Variants in DLGAP2 observed in about 807,000 individuals in gnomAD.
The protein encoded by DLGAP2 is disks large-associated protein 2.
A neutral mutation model predicts 100.3 loss-of-function variants in DLGAP2; 26 were observed. The observed-to-expected ratio is 0.26, with a 90% CI of 0.19 to 0.36. DLGAP2 has a LOEUF of 0.36. DLGAP2 is among the 10% of genes least tolerant of loss of function. The probability of loss-of-function intolerance (pLI) is 1.00; values close to 1 mark genes in which losing one functional copy is unlikely to be tolerated. For missense variants in DLGAP2, 1,858 were observed against 1,453.2 expected, an observed-to-expected ratio of 1.28 and a Z score of -4.53; for synonymous variants, 886 against 630.1, an observed-to-expected ratio of 1.41 and a Z score of -6.08.
At chr8:1,576,842 G>A (rs1236858773) in intron 6 of DLGAP2, among the ~76,000 whole-genome samples, 1 of 152,124 alleles carries the variant, frequency 6.6e-6, no homozygotes, top group Non-Finnish European at 1.5e-5. Flanking sequence ...TTTGGTACCA[G>A]TACAAGGTAA....
At chr8:1,416,176 T>C (rs762070065) in intron 3 of DLGAP2, among the ~76,000 whole-genome samples, 12 of 152,226 alleles carry the variant, frequency 7.9e-5, no homozygotes, top group Non-Finnish European at 1.6e-4. Context: ...AAACCCATCC[T>C]GTCCCCAGAC....
chr8:870,378 T>C (rs1797575021), intron 1 of DLGAP2, among the ~76,000 whole-genome samples: 1 of 152,176 alleles, frequency 6.6e-6, no homozygotes, highest in Non-Finnish European at 1.5e-5. Flanking sequence ...CCGGCATTCC[T>C]GTTCCCTCCC....
intron 3 of DLGAP2, among the ~76,000 whole-genome samples, chr8:1,377,417 G>T (rs540164870): frequency 2.0e-5 from 3 of 152,222 alleles, no homozygotes; most frequent in African/African-American, 4.8e-5. Flanking sequence ...GGTGGCAGGC[G>T]CCTATAGTCG....
At chr8:1,163,595 CG>C in intron 2 of DLGAP2, among the ~76,000 whole-genome samples, 1 of 152,342 alleles carries the variant, frequency 6.6e-6, no homozygotes, top group Non-Finnish European at 1.5e-5. Flanking sequence ...GCCAAGAACG[CG>C]GTTGTGTAAC....
intron 2 of DLGAP2, among the ~76,000 whole-genome samples, chr8:910,104 G>T (rs530863827): frequency 6.6e-6 from 1 of 152,178 alleles, no homozygotes; most frequent in Non-Finnish European, 1.5e-5. Context: ...GGGTGGGGAC[G>T]GCTGCCCGGC....
At chr8:1,598,747 T>C (rs929337088) in intron 6 of DLGAP2, among the ~76,000 whole-genome samples, 2 of 152,168 alleles carry the variant, frequency 1.3e-5, no homozygotes, top group Non-Finnish European at 2.9e-5. Flanking sequence ...TATTTGATTG[T>C]TCTCTGTTTT....
chr8:1,054,838 A>G (rs1287944672), intron 2 of DLGAP2, among the ~76,000 whole-genome samples: 3 of 152,224 alleles, frequency 2.0e-5, no homozygotes, highest in Non-Finnish European at 2.9e-5. Flanking sequence ...AAAAACCATA[A>G]CTTATCTAAA....
chr8:1,499,176 C>T (rs1056688045), intron 3 of DLGAP2, among the ~76,000 whole-genome samples: 16 of 152,212 alleles, frequency 1.1e-4, no homozygotes, highest in African/African-American at 3.6e-4. Context: ...CGCAGGCTTC[C>T]GATACCAAGC....
chr8:1,687,449 G>A (rs1004584804), intron 12 of DLGAP2, among the ~76,000 whole-genome samples: 1 of 152,142 alleles, frequency 6.6e-6, no homozygotes, highest in Non-Finnish European at 1.5e-5. Context: ...AGAATAAATT[G>A]AATTTTCACT....
At chr8:926,671 G>T (rs369785284) in intron 2 of DLGAP2, among the ~76,000 whole-genome samples, 1 of 152,254 alleles carries the variant, frequency 6.6e-6, no homozygotes, top group Non-Finnish European at 1.5e-5. Flanking sequence ...TGAGCTGAAG[G>T]GGGTGTGCGG....
intron 2 of DLGAP2, among the ~76,000 whole-genome samples, chr8:909,415 A>G (rs1156664794): frequency 1.3e-5 from 2 of 152,222 alleles, no homozygotes; most frequent in African/African-American, 4.8e-5. Context: ...TAACTACTGT[A>G]CTGCGGACAT....
chr8:1,493,013 C>T (rs534222843), intron 3 of DLGAP2, among the ~76,000 whole-genome samples: 54 of 152,260 alleles, frequency 3.5e-4, no homozygotes, highest in African/African-American at 1.3e-3. Context: ...CTCACCCAGG[C>T]GAGAGAAAAT....
chr8:1,367,154 A>G (rs1443798394), intron 3 of DLGAP2, among the ~76,000 whole-genome samples: 1 of 152,256 alleles, frequency 6.6e-6, no homozygotes, highest in Non-Finnish European at 1.5e-5. Context: ...ACTGCAGATC[A>G]TATTTTGAGA....
chr8:1,224,296 C>G (rs1407404383), intron 2 of DLGAP2, among the ~76,000 whole-genome samples: 3 of 152,168 alleles, frequency 2.0e-5, no homozygotes, highest in African/African-American at 7.2e-5. Flanking sequence ...ATATAAGAGA[C>G]ATAATTGACA....
intron 1 of DLGAP2, among the ~76,000 whole-genome samples, chr8:871,689 A>G (rs930326540): frequency 1.3e-5 from 2 of 152,036 alleles, no homozygotes; most frequent in African/African-American, 4.8e-5. Flanking sequence ...TATAGTCCAT[A>G]TCTTCCAAAA....
At chr8:1,497,643 C>T (rs1290675413) in intron 3 of DLGAP2, among the ~76,000 whole-genome samples, 1 of 152,124 alleles carries the variant, frequency 6.6e-6, no homozygotes, top group African/African-American at 2.4e-5. Context: ...GTCCCAGATG[C>T]GGAAGATGTA....
intron 4 of DLGAP2, among the ~76,000 whole-genome samples, chr8:1,539,361 C>T (rs936242542): frequency 1.3e-5 from 2 of 152,104 alleles, no homozygotes; most frequent in African/African-American, 4.8e-5. Context: ...GTGAGGACTC[C>T]GAAGAGGAAA....
intron 3 of DLGAP2, among the ~76,000 whole-genome samples, chr8:1,440,839 G>A (rs568107544): frequency 2.2e-4 from 33 of 152,244 alleles, no homozygotes; most frequent in African/African-American, 7.7e-4. Context: ...CAGCAACCAC[G>A]GAACTCTCTG....
intron 3 of DLGAP2, among the ~76,000 whole-genome samples, chr8:1,475,988 G>A (rs561941886): frequency 3.9e-5 from 6 of 152,192 alleles, no homozygotes; most frequent in African/African-American, 1.4e-4. Flanking sequence ...AATTTTGCTG[G>A]AGGCAGAGCT....
Sources: allele counts gnomAD v4.1 joint callset (sites outside exome capture counted in the v4.1 genomes callset), GRCh38; gene constraint gnomAD v4.1.1; transcripts MANE v1.5; gene names NCBI Gene and HGNC (gene_info 2026-07-23, HGNC 2026-07-21).